NRG3: variants seen among roughly 807,000 people sequenced by gnomAD.
NRG3 encodes the protein pro-neuregulin-3, membrane-bound isoform.
NRG3 carries 31 observed loss-of-function variants against 66.9 expected under a neutral mutation model. That is an observed-to-expected ratio of 0.46 (90% CI 0.35 to 0.63). NRG3 has a LOEUF of 0.63. Among genes scored for constraint, NRG3 ranks in the 20% least tolerant of loss-of-function variants. The probability of loss-of-function intolerance (pLI) is 0.00; values close to 1 mark genes in which losing one functional copy is unlikely to be tolerated. For synonymous variants in NRG3, 393 were observed against 359.4 expected, an observed-to-expected ratio of 1.09 and a Z score of -1.06; for missense variants, 910 against 878.9, an observed-to-expected ratio of 1.04 and a Z score of -0.45.
In NRG3 at chr10:82,370,208, C is replaced by A. The variant is rs561618862; in HGVS notation, c.953+11340C>A. On this transcript the variant is annotated intron_variant, in intron 2 of 8. Transcript: ENST00000372141. ...TGGCTCAGAAGAATTGGATCACATG[C>A]AGGCTGGAAGGATGAGTGCAAGGTT... Among the ~76,000 whole-genome samples the A allele has an allele frequency of 2.2e-5, 3 of 138,684 alleles. 1 individual carries two copies. The highest frequency in any genetic ancestry group is 2.0e-4 in the Admixed American group (3 of 14,740). The allele number at this position is 138,684 out of a possible 152,430, so 91.0% of individuals were successfully genotyped here. A position where few individuals can be genotyped will look rare whatever the true frequency, so the allele number is the denominator to read the frequency against.
chr10:82,551,468 T>C (rs2044298823), intron 2 of NRG3, among the ~76,000 whole-genome samples: 1 of 152,128 alleles, frequency 6.6e-6, no homozygotes, highest in South Asian at 2.1e-4. Flanking sequence ...GAGATTAAGT[T>C]ACCCTACTAG....
chr10:82,017,621 G>A (rs1414722193), intron 1 of NRG3, among the ~76,000 whole-genome samples: 1 of 152,046 alleles, frequency 6.6e-6, no homozygotes, highest in African/African-American at 2.4e-5. Context: ...ACTTTTTAAT[G>A]ATCGCCATTC....
intron 2 of NRG3, among the ~76,000 whole-genome samples, chr10:82,611,042 A>T (rs924168680): frequency 3.9e-5 from 6 of 152,046 alleles, no homozygotes; most frequent in African/African-American, 1.2e-4. Context: ...GCTATCTAGA[A>T]TGAATATTCT....
intron 4 of NRG3, among the ~76,000 whole-genome samples, chr10:82,868,070 G>A (rs1373183949): frequency 1.3e-5 from 2 of 152,150 alleles, no homozygotes; most frequent in African/African-American, 4.8e-5. Flanking sequence ...ATAGTTGGTG[G>A]TGGGACTAGG....
intron 2 of NRG3, among the ~76,000 whole-genome samples, chr10:82,688,118 A>G (rs921934517): frequency 3.9e-5 from 6 of 152,206 alleles, no homozygotes; most frequent in Admixed American, 3.9e-4. Flanking sequence ...CCTACACAGT[A>G]TATAAGATAC....
intron 1 of NRG3, among the ~76,000 whole-genome samples, chr10:81,954,346 T>A (rs1849630434): frequency 6.6e-6 from 1 of 152,204 alleles, no homozygotes; most frequent in African/African-American, 2.4e-5. Flanking sequence ...ACTATATAGT[T>A]AATGTCCTTT....
chr10:81,947,405 C>A (rs1848942840), intron 1 of NRG3, among the ~76,000 whole-genome samples: 1 of 152,132 alleles, frequency 6.6e-6, no homozygotes, highest in Non-Finnish European at 1.5e-5. Flanking sequence ...ATTCAACTCA[C>A]AACAGTAACC....
intron 2 of NRG3, among the ~76,000 whole-genome samples, chr10:82,564,791 C>T (rs2045287050): frequency 1.3e-5 from 2 of 152,160 alleles, no homozygotes; most frequent in Admixed American, 1.3e-4. Context: ...ATTTCTTTGT[C>T]GTGAGATGAC....
chr10:82,052,192 AG>A lies in NRG3; in HGVS notation c.823+176030del, dbSNP rs201543815. The stretch of plus-strand genomic sequence containing the variant: ...GTTTAGGGGCACTGCAGTGAAAAAA[AG>A]AAATGCATGTAGTTGTGATCTACCT... On this transcript the variant is annotated intron_variant, in intron 1 of 8. Coordinates refer to ENST00000372141, the MANE Select transcript of NRG3 (RefSeq NM_001010848.4). 3.7e-3 allele frequency among the ~76,000 whole-genome samples: 556 copies of A among 151,888 alleles called. 2 individuals carry two copies. Among genetic ancestry groups the A allele is most frequent in the East Asian group, 0.022 (113 of 5,156 alleles).
chr10:82,218,058 A>C (rs574078551), intron 1 of NRG3, among the ~76,000 whole-genome samples: 2 of 152,300 alleles, frequency 1.3e-5, no homozygotes, highest in African/African-American at 4.8e-5. Context: ...CCCAAAGAAA[A>C]TACATTTTTT....
intron 2 of NRG3, among the ~76,000 whole-genome samples, chr10:82,627,968 A>G (rs1448974670): frequency 6.6e-6 from 1 of 152,176 alleles, no homozygotes; most frequent in Non-Finnish European, 1.5e-5. Flanking sequence ...CAGCAGCCAG[A>G]TGAGGTGTGT....
At chr10:82,592,308 C>G (rs1440549926) in intron 2 of NRG3, among the ~76,000 whole-genome samples, 1 of 152,262 alleles carries the variant, frequency 6.6e-6, no homozygotes, top group Admixed American at 6.5e-5. Flanking sequence ...TCCTGAGGGT[C>G]ACCAGTCCAA....
In NRG3 at chr10:82,679,957, C is replaced by A. The variant is rs116347591; in HGVS notation, c.954-58620C>A. 8.0e-3 allele frequency among the ~76,000 whole-genome samples: 1,212 copies of A among 152,058 alleles called. 10 individuals carry two copies. The highest frequency in any genetic ancestry group is 0.027 in the African/African-American group (1,133 of 41,478). ...TTTCAGAGCTATGATATCAAAATAT[C>A]TATTTTGATATGATCATATAGTATA... is the stretch of plus-strand genomic sequence containing the variant. On this transcript the variant is annotated intron_variant, in intron 2 of 8. Coordinates refer to ENST00000372141, the MANE Select transcript of NRG3 (RefSeq NM_001010848.4).
chr10:82,360,800 T>C (rs2084083826), intron 2 of NRG3, among the ~76,000 whole-genome samples: 1 of 152,128 alleles, frequency 6.6e-6, no homozygotes, highest in Admixed American at 6.5e-5. Context: ...CAAGGAGATG[T>C]ACCTTATTAT....
At chr10:82,805,423 GTCT>G (rs2061235773) in intron 3 of NRG3, among the ~76,000 whole-genome samples, 2 of 152,070 alleles carry the variant, frequency 1.3e-5, no homozygotes, top group African/African-American at 2.4e-5. Flanking sequence ...TTGTCTCTGC[GTCT>G]TTTGTCCCTG....
At chr10:82,148,258 G>A (rs1368571117) in intron 1 of NRG3, among the ~76,000 whole-genome samples, 3 of 152,122 alleles carry the variant, frequency 2.0e-5, no homozygotes, top group Non-Finnish European at 4.4e-5. Context: ...AGCACTTTGG[G>A]AGGCCGAGGT....
intron 2 of NRG3, among the ~76,000 whole-genome samples, chr10:82,618,328 G>T (rs1191941602): frequency 1.3e-5 from 2 of 152,060 alleles, no homozygotes; most frequent in African/African-American, 4.8e-5. Context: ...AGGGAGACGG[G>T]GGGGAATTTA....
chr10:82,198,537 C>T (rs2074572485), intron 1 of NRG3, among the ~76,000 whole-genome samples: 1 of 152,150 alleles, frequency 6.6e-6, no homozygotes, highest in Non-Finnish European at 1.5e-5. Flanking sequence ...ACTTCTTGTA[C>T]AGTCACACTT....
chr10:82,878,553 A>G (rs1457718506), intron 4 of NRG3, among the ~76,000 whole-genome samples: 1 of 152,224 alleles, frequency 6.6e-6, no homozygotes, highest in Non-Finnish European at 1.5e-5. Flanking sequence ...CGGCAAGTGC[A>G]GAATGCCTGG....
Sources: gnomAD v4.1 joint callset for allele counts (sites outside exome capture counted in the v4.1 genomes callset) on GRCh38, gnomAD v4.1.1 for gene constraint, MANE v1.5 for transcripts, NCBI Gene and HGNC (gene_info 2026-07-23, HGNC 2026-07-21) for gene names.